DUSP15: variants seen among roughly 807,000 people sequenced by gnomAD.
DUSP15 encodes dual specificity protein phosphatase 15.
In DUSP15, 23 loss-of-function variants were observed where a neutral mutation model predicts 26.3. The ratio of observed to expected loss-of-function variants is 0.87; its 90% confidence interval spans 0.63 to 1.24. The LOEUF is 1.24. DUSP15 is among the 50% of genes most tolerant of loss of function. The pLI is 0.00. For missense variants in DUSP15, 364 were observed against 320.6 expected, an observed-to-expected ratio of 1.14 and a Z score of -1.03; for synonymous variants, 143 against 135.5, an observed-to-expected ratio of 1.06 and a Z score of -0.39.
intron 6 of DUSP15, among the ~76,000 whole-genome samples, chr20:31,854,479 C>G (rs1021143837): frequency 2.0e-5 from 3 of 152,138 alleles, no homozygotes; most frequent in African/African-American, 7.2e-5. Context: ...GACGTGGGCA[C>G]AGGGCAGAGG....
At chr20:31,849,712 C>A in intron 8 of DUSP15, 1 of 1,530,638 alleles carries the variant, frequency 6.5e-7, no homozygotes, top group Non-Finnish European at 8.8e-7. Flanking sequence ...CACGTGGGCG[C>A]TGGGCAATGG....
At chr20:31,849,722 G>C (rs1237066526) in intron 8 of DUSP15, 4 of 1,537,326 alleles carry the variant, frequency 2.6e-6, no homozygotes, top group Non-Finnish European at 3.5e-6. Flanking sequence ...CTGGGCAATG[G>C]GTCGGGGAAG....
rs1197175788 is a variant in DUSP15 at position 31,849,642 on chromosome 20, GC to G, written c.628+95del. The G allele has an allele frequency of 9.3e-6, 14 of 1,513,100 alleles. No homozygotes were observed. The Admixed American group carries it at 1.2e-4, about 13-fold the overall frequency. 93.7% of individuals were successfully genotyped at this position (1,513,100 alleles called of 1,614,324 possible). A position where few individuals can be genotyped will look rare whatever the true frequency, so the allele number is the denominator to read the frequency against. ...CCTGGCACAGGCGCTTGGTGAACAC[GC>G]CCTCCGGAGCCACCCAGAGCTGCAC... On this transcript the variant is annotated intron_variant, in intron 8 of 9. Coordinates refer to the DUSP15 transcript ENST00000278979.
downstream of DUSP15, chr20:31,845,706 C>G: frequency 1.3e-6 from 1 of 775,836 alleles, no homozygotes; most frequent in South Asian, 1.8e-5. Flanking sequence ...TCCCCTCCTC[C>G]CTCGCCCCAC....
chr20:31,861,564 C>G lies in DUSP15; in HGVS notation c.547G>C (p.Ala183Pro), dbSNP rs1410252217. ...GCTGAGTGCGGCCCGGCGGAGGAGG[C>G]CGAGGTCGCGGAGCCCTGCCGGCAG... Reference protein sequence around the residue: ...KRCRQGSATSASSAGPHSAAS... With the variant: ...KRCRQGSATSPSSAGPHSAAS... The change falls in exon 7 of 7, where the codon GCC becomes CCC. Residue 183 changes from alanine (A) to proline (P), a missense_variant. Physicochemically the swap from Ala to Pro is conservative, Grantham distance 27. Transcript: ENST00000339738. The G allele has an allele frequency of 7.3e-6, 11 of 1,501,148 alleles. No individual in the cohort carries two copies. In the Admixed American group the frequency reaches 2.1e-4, roughly 29 times the overall value. The allele number at this position is 1,501,148 out of a possible 1,614,324, so 93.0% of individuals were successfully genotyped here. A position where few individuals can be genotyped will look rare whatever the true frequency, so the allele number is the denominator to read the frequency against.
chr20:31,866,896 C>G (rs2062779395), intron 3 of DUSP15, among the ~76,000 whole-genome samples, 175 bp downstream of exon 3: 1 of 152,226 alleles, frequency 6.6e-6, no homozygotes, highest in Non-Finnish European at 1.5e-5. Context: ...TAATTGACCT[C>G]TCTGGGCCTC....
upstream of DUSP15, chr20:31,870,639 G>T: frequency 7.6e-7 from 1 of 1,308,556 alleles, no homozygotes; most frequent in East Asian, 2.9e-5. The surrounding 1 kb of genome is among the most constrained non-coding windows in gnomAD (Gnocchi z 6.6). Context: ...GCCCCAGTGT[G>T]CCGGGCCCAC....
At chr20:31,850,562 G>T in intron 7 of DUSP15, 1 of 1,571,474 alleles carries the variant, frequency 6.4e-7, no homozygotes, top group Non-Finnish European at 8.7e-7. Flanking sequence ...CCCCGCGGCC[G>T]TCCCCAGTTC....
downstream of DUSP15, among the ~76,000 whole-genome samples, chr20:31,858,327 G>A (rs6089101): frequency 0.34 from 52,013 of 152,070 alleles, 9,049 homozygotes; most frequent in Admixed American, 0.43. This position sits in a 1 kb window ranked among gnomAD's most constrained non-coding sequence, Gnocchi z 4.4. Flanking sequence ...GTCACCTGCC[G>A]TCGGGGACCT....
Position 31,861,483 on chromosome 20 carries a change from G to C in DUSP15, c.628C>G (p.Arg210Gly). 6.5e-7 allele frequency: 1 copy of C among 1,540,872 alleles called. No individual in the cohort carries two copies. The highest frequency in any genetic ancestry group is 1.2e-5 in the South Asian group (1 of 83,590). ...LVPRTPREAH[R>G]PLPLLARVKQ... ...ACGCGCGCCAGCAGCGGCAGCGGCCGGTGGGCTTCCCGGGGCGTGCGCGGC... is the reference window on the plus strand; with the variant it reads ...ACGCGCGCCAGCAGCGGCAGCGGCCCGTGGGCTTCCCGGGGCGTGCGCGGC... Residue 210 changes from arginine to glycine, a missense_variant, in exon 7 of 7, where the codon CGG becomes GGG. Physicochemically the swap from Arg to Gly is moderately radical, Grantham distance 125. Coordinates refer to ENST00000339738, the MANE Select transcript of DUSP15 (RefSeq NM_080611.5).
chr20:31,850,725 A>G (rs2123182541), intron 6 of DUSP15: 2 of 1,580,372 alleles, frequency 1.3e-6, no homozygotes, highest in Non-Finnish European at 1.7e-6. Flanking sequence ...CTGACCCCAG[A>G]CCCATAGATA....
intron 2 of DUSP15, among the ~76,000 whole-genome samples, chr20:31,869,328 C>T (rs2062855434): frequency 6.6e-6 from 1 of 152,178 alleles, no homozygotes; most frequent in Non-Finnish European, 1.5e-5. Context: ...GGCTGAATGG[C>T]GGGGAGGGAT....
intron 7 of DUSP15, chr20:31,849,978 GCCTCTA>G: frequency 7.3e-7 from 1 of 1,375,158 alleles, no homozygotes; most frequent in Non-Finnish European, 9.4e-7. Context: ...GGTCGTCCCA[GCCTCTA>G]CCTCGGAAAT....
At chr20:31,846,310 A>G (rs1166513672), downstream of DUSP15, among the ~76,000 whole-genome samples, 1 of 151,934 alleles carries the variant, frequency 6.6e-6, no homozygotes, top group African/African-American at 2.4e-5. Flanking sequence ...ACACACACAC[A>G]CACACACACA....
chr20:31,847,676 A>G (rs963852386), exon 10 of DUSP15: 4 of 152,228 alleles, frequency 2.6e-5, no homozygotes, highest in Non-Finnish European at 4.4e-5. Context: ...TGGCAGGGTA[A>G]CCAACTTTCT....
Position 31,870,139 on chromosome 20 carries a change from C to G in DUSP15, c.21+178G>C, listed in dbSNP as rs2062889355. ...GGCGGACACAGCGGGGACAGAGACG[C>G]AGGGTCAGAGAGGGGGAGACCCGAC... On this transcript the variant is annotated intron_variant, in intron 1 of 6. Coordinates refer to ENST00000339738, the MANE Select transcript of DUSP15 (RefSeq NM_080611.5). This position sits in a 1 kb window ranked among gnomAD's most constrained non-coding sequence, Gnocchi z 6.6. 1 of 1,234,438 alleles carries G rather than the reference C, an allele frequency of 8.1e-7. No homozygotes were observed. The highest frequency in any genetic ancestry group is 3.9e-5 in the Admixed American group (1 of 25,454). 76.5% of individuals were successfully genotyped at this position (1,234,438 alleles called of 1,614,324 possible).
At position 31,864,198 on chromosome 20, in the gene DUSP15, G is replaced by A. The variant is rs968841438; in HGVS notation, c.189-217C>T. ...GCATTTCAGGCAGTGAGAGAGACCA[G>A]TCAGGACAAATCTCACCATCTAGGC... On this transcript the variant is annotated intron_variant, in intron 4 of 6. Transcript: ENST00000339738. 3 of 1,353,740 alleles carry A rather than the reference G, an allele frequency of 2.2e-6. No homozygotes were observed. The Admixed American group carries it at 9.0e-5, about 41-fold the overall frequency. 83.9% of individuals were successfully genotyped at this position (1,353,740 alleles called of 1,614,324 possible).
upstream of DUSP15, chr20:31,870,613 C>A: frequency 7.3e-7 from 1 of 1,373,786 alleles, no homozygotes; most frequent in Non-Finnish European, 9.4e-7. This position sits in a 1 kb window ranked among gnomAD's most constrained non-coding sequence, Gnocchi z 6.6. Flanking sequence ...CGGGTCGCGG[C>A]GGGGGGCCGG....
chr20:31,850,735 AAGG>A, intron 6 of DUSP15: 2 of 1,556,718 alleles, frequency 1.3e-6, no homozygotes, highest in East Asian at 4.6e-5. Context: ...ACCCATAGAT[AAGG>A]AGGAGGCCAG....
Sources: allele counts gnomAD v4.1 joint callset (sites outside exome capture counted in the v4.1 genomes callset), GRCh38; gene constraint gnomAD v4.1.1; non-coding constraint Gnocchi (gnomAD v3.1); transcripts MANE v1.5; gene names NCBI Gene and HGNC (gene_info 2026-07-23, HGNC 2026-07-21).